Variants in SHH observed in about 807,000 individuals in gnomAD.
The protein encoded by SHH is sonic hedgehog signaling molecule, also known as sonic hedgehog protein.
Under a neutral mutation model 16.6 loss-of-function variants are expected in SHH, and 3 were observed. The observed-to-expected ratio is 0.18, with a 90% CI of 0.08 to 0.47. The LOEUF is 0.47. Among genes scored for constraint, SHH ranks in the 20% least tolerant of loss-of-function variants. The pLI is 0.98. For missense variants in SHH, 499 were observed against 665.0 expected (o/e 0.75, Z 2.75); for synonymous variants, 351 against 316.2 (o/e 1.11, Z -1.17).
rs1428998445 is a variant in SHH at position 155,803,627 on chromosome 7, C to T, written c.662G>A (p.Gly221Glu). 6.3e-7 allele frequency: 1 copy of T among 1,598,384 alleles called. No homozygotes were observed. Among genetic ancestry groups the T allele is most frequent in the Non-Finnish European group, 8.5e-7 (1 of 1,179,506 alleles). Residue 221 changes from glycine (G) to glutamate (E), a missense_variant, in exon 3 of 3, where the codon GGG (glycine) becomes GAG (glutamate). Gly to Glu is a moderately conservative substitution (Grantham distance 98). Transcript: ENST00000297261. ...GTKLVKDLSP[G>E]DRVLAADDQG... ...GTCGTCCGCCGCCAGCACGCGGTCC[C>T]CGGGGCTCAGGTCCTTCACCAGCTT... is the stretch of plus-strand genomic sequence containing the variant.
At chr7:155,804,539 C>T (rs887617999) in intron 2 of SHH, among the ~76,000 whole-genome samples, 1 of 152,012 alleles carries the variant, frequency 6.6e-6, no homozygotes, top group Non-Finnish European at 1.5e-5. Context: ...CTCCCCCTCC[C>T]TATTTGCTCA....
Position 155,809,185 on chromosome 7 carries a change from G to T in SHH, c.301-2628C>A, listed in dbSNP as rs1271277123. 2 of 152,198 alleles carry T rather than the reference G, an allele frequency of 1.3e-5. No homozygotes were observed. The highest frequency in any genetic ancestry group is 4.8e-5 in the African/African-American group (2 of 41,428). 9.4% of individuals were successfully genotyped at this position (152,198 alleles called of 1,614,324 possible). On this transcript the variant is annotated intron_variant, in intron 1 of 2. Transcript: ENST00000297261. The surrounding 1 kb of genome is among the most constrained non-coding windows in gnomAD (Gnocchi z 6.1). Reference sequence around the variant, plus strand: ...GTCTGTCTGCGCTTTCCTCTCCCGGGTTAATATTAACCGGCAGCTCCTGCG... The same window carrying T: ...GTCTGTCTGCGCTTTCCTCTCCCGGTTTAATATTAACCGGCAGCTCCTGCG...
chr7:155,803,369 C>T lies in SHH; in HGVS notation c.920G>A (p.Ser307Asn). The change falls in exon 3 of 3, where the codon AGC (serine) becomes AAC (asparagine). Residue 307 changes from serine to asparagine, a missense_variant. Ser to Asn is a conservative substitution (Grantham distance 46). Transcript: ENST00000297261. The stretch of plus-strand genomic sequence containing the variant: ...CACGCGCTGGCCCGGGCGCACGCGG[C>T]TGGCGAACAGCGCCCGAGGCCCCAG... ...GALGPRALFA[S>N]RVRPGQRVYV... 1 of 1,452,656 alleles carries T rather than the reference C, an allele frequency of 6.9e-7. No homozygotes were observed. The highest frequency in any genetic ancestry group is 9.0e-7 in the Non-Finnish European group (1 of 1,115,334). The allele number at this position is 1,452,656 out of a possible 1,614,324, so 90.0% of individuals were successfully genotyped here. A position where few individuals can be genotyped will look rare whatever the true frequency, so the allele number is the denominator to read the frequency against.
chr7:155,808,485 G>A (rs1440730768), intron 1 of SHH, among the ~76,000 whole-genome samples: 1 of 152,230 alleles, frequency 6.6e-6, no homozygotes, highest in East Asian at 1.9e-4. Flanking sequence ...AGGACCCCGG[G>A]CAGGGAGACC....
Position 155,806,345 on chromosome 7 carries a change from G to A in SHH, c.513C>T (p.Asp171=). ...GTGCCTTGGACTCGTAGTACACCCAGTCGAAGCCGGCCTCCACCGCCAGGC... is the reference window on the plus strand; with the variant it reads ...GTGCCTTGGACTCGTAGTACACCCAATCGAAGCCGGCCTCCACCGCCAGGC... ...LARLAVEAGF[D]WVYYESKAHI... is the part of the protein sequence containing the mutation. The change falls in exon 2 of 3, where the codon GAC becomes GAT. Residue 171 remains aspartate, a synonymous_variant. Coordinates refer to ENST00000297261, the MANE Select transcript of SHH (RefSeq NM_000193.4). 1 of 1,613,452 alleles carries A rather than the reference G, an allele frequency of 6.2e-7. No individual in the cohort carries two copies. The highest frequency in any genetic ancestry group is 8.5e-7 in the Non-Finnish European group (1 of 1,180,042).
rs775356820 is a variant in SHH, at chr7:155,806,288, C to A, written c.562+8G>T. On this transcript the variant is annotated splice_region_variant and intron_variant, in intron 2 of 2. Coordinates refer to ENST00000297261, the MANE Select transcript of SHH (RefSeq NM_000193.4). ...TGGGTCGGATCCGGGGGGCCAGGGC[C>A]AGCTTACCTGCTTTCACCGAGCAGT... is the stretch of plus-strand genomic sequence containing the variant. The A allele has an allele frequency of 1.9e-6, 3 of 1,613,106 alleles. No individual in the cohort carries two copies. In the Admixed American group the frequency reaches 5.0e-5, roughly 27 times the overall value.
rs777486607 is a variant in SHH, at chr7:155,811,917, T to A, written c.206A>T (p.Asn69Ile). The A allele has an allele frequency of 1.3e-5, 21 of 1,613,928 alleles. No individual in the cohort carries two copies. The South Asian group carries it at 2.2e-4, about 17-fold the overall frequency. The change falls in exon 1 of 3, where the codon AAC becomes ATC. Residue 69 changes from asparagine (N) to isoleucine (I), a missense_variant. Around this residue, in one of 4 missense-constraint regions of SHH, gnomAD observed 75 missense variants for 115.0 expected, o/e 0.65. Coordinates refer to ENST00000297261, the MANE Select transcript of SHH (RefSeq NM_000193.4). ...GGTGAGTTCCTTAAATCGCTCGGAGTTTCTGGAGATCTTCCCTTCATACCT... is the reference window on the plus strand; with the variant it reads ...GGTGAGTTCCTTAAATCGCTCGGAGATTCTGGAGATCTTCCCTTCATACCT... Reference protein sequence around the residue: ...SGRYEGKISRNSERFKELTPN... With the variant: ...SGRYEGKISRISERFKELTPN...
chr7:155,805,790 C>T (rs1361823697), intron 2 of SHH, among the ~76,000 whole-genome samples: 1 of 152,238 alleles, frequency 6.6e-6, no homozygotes, highest in Non-Finnish European at 1.5e-5. Context: ...TACTGCCGCC[C>T]ACCAGGCCTC....
chr7:155,810,287 C>T (rs756287283), intron 1 of SHH, among the ~76,000 whole-genome samples: 2 of 152,214 alleles, frequency 1.3e-5, no homozygotes, highest in African/African-American at 2.4e-5. Context: ...CAGAAGCTGA[C>T]CCACTCTGGC....
intron 1 of SHH, among the ~76,000 whole-genome samples, chr7:155,808,486 CAGGGAGACCCGGGT>C (rs1803423560): frequency 6.6e-6 from 1 of 152,200 alleles, no homozygotes; most frequent in East Asian, 1.9e-4. Context: ...GGACCCCGGG[CAGGGAGACCCGGGT>C]CCAGCCGGGC....
At chr7:155,805,313 C>T (rs1306084743) in intron 2 of SHH, among the ~76,000 whole-genome samples, 2 of 152,082 alleles carry the variant, frequency 1.3e-5, no homozygotes, top group Non-Finnish European at 2.9e-5. Flanking sequence ...GCCCCTGCCG[C>T]CCCCGCTCCA....
chr7:155,803,581 G>A lies in SHH; in HGVS notation c.708C>T (p.Ser236=). The change falls in exon 3 of 3, where the codon AGC becomes AGT. Residue 236 remains serine (S), a synonymous_variant. Transcript: ENST00000297261. The part of the protein sequence containing the change: ...AADDQGRLLY[S]DFLTFLDRDD... ...CGCGGTCCAGGAAAGTGAGGAAGTCGCTGTAGAGCAGCCGGCCCTGGTCGT... is the reference window on the plus strand; with the variant it reads ...CGCGGTCCAGGAAAGTGAGGAAGTCACTGTAGAGCAGCCGGCCCTGGTCGT... The A allele has an allele frequency of 6.3e-7, 1 of 1,598,378 alleles. No individual in the cohort carries two copies. The highest frequency in any genetic ancestry group is 8.5e-7 in the Non-Finnish European group (1 of 1,179,414).
At position 155,803,254 on chromosome 7, in the gene SHH, G is replaced by A; in HGVS notation, c.1035C>T (p.Tyr345=). 3.3e-6 allele frequency: 5 copies of A among 1,515,760 alleles called. No homozygotes were observed. Among genetic ancestry groups the A allele is most frequent in the Non-Finnish European group, 4.4e-6 (5 of 1,139,618 alleles). The allele number at this position is 1,515,760 out of a possible 1,614,324, so 93.9% of individuals were successfully genotyped here. Residue 345 remains tyrosine (Y), a synonymous_variant, in exon 3 of 3, where the codon TAC becomes TAT. Transcript: ENST00000297261. ...TGGTGCCCTGGGCCGTGAGCGGCGCGTAGGCGCCCGCGGCCTCCTCGCTTA... is the reference window on the plus strand; with the variant it reads ...TGGTGCCCTGGGCCGTGAGCGGCGCATAGGCGCCCGCGGCCTCCTCGCTTA... ...VTLSEEAAGA[Y]APLTAQGTIL... is the part of the protein sequence containing the mutation.
Position 155,803,713 on chromosome 7 carries a change from C to T in SHH, c.576G>A (p.Ala192=), listed in dbSNP as rs780893190. ...HCSVKAENSV[A]AKSGGCFPGS... ...CCGGGAAGCAGCCTCCCGATTTGGC[C>T]GCCACCGAGTTCTCTGCGGGTGAGG... is the stretch of plus-strand genomic sequence containing the variant. Residue 192 remains alanine, a synonymous_variant, in exon 3 of 3, where the codon GCG becomes GCA. Coordinates refer to ENST00000297261, the MANE Select transcript of SHH (RefSeq NM_000193.4). 7 of 1,597,186 alleles carry T rather than the reference C, an allele frequency of 4.4e-6. No homozygotes were observed. In the African/African-American group the frequency reaches 6.7e-5, roughly 15 times the overall value.
intron 1 of SHH, among the ~76,000 whole-genome samples, chr7:155,808,496 C>G (rs1221522039): frequency 4.6e-5 from 7 of 152,214 alleles, no homozygotes; most frequent in African/African-American, 1.7e-4. Flanking sequence ...CAGGGAGACC[C>G]GGGTCCAGCC....
chr7:155,802,894 C>A lies in SHH; in HGVS notation c.*6G>T. The A allele has an allele frequency of 7.3e-7, 1 of 1,375,076 alleles. No homozygotes were observed. The highest frequency in any genetic ancestry group is 9.5e-7 in the Non-Finnish European group (1 of 1,055,734). 85.2% of individuals were successfully genotyped at this position (1,375,076 alleles called of 1,614,324 possible). A position where few individuals can be genotyped will look rare whatever the true frequency, so the allele number is the denominator to read the frequency against. On this transcript the variant is annotated 3_prime_UTR_variant, in exon 3 of 3. Transcript: ENST00000297261. ...CCTCCCGCGCCCCTCCCCCGGCCCC[C>A]CGGCTTCAGCTGGACTTGACCGCCA...
chr7:155,809,374 C>G lies in SHH; in HGVS notation c.300+2449G>C, dbSNP rs1343289225. Among the ~76,000 whole-genome samples, 1 of 152,118 alleles carries G rather than the reference C, an allele frequency of 6.6e-6. No homozygotes were observed. The highest frequency in any genetic ancestry group is 1.9e-4 in the East Asian group (1 of 5,150). ...GTTATTTAAAATGAGGGCGGCCGAG[C>G]AGGCTCCCCAAACCTCCCGCCGGCC... On this transcript the variant is annotated intron_variant, in intron 1 of 2. Transcript: ENST00000297261. This position sits in a 1 kb window ranked among gnomAD's most constrained non-coding sequence, Gnocchi z 6.1.
chr7:155,803,549 C>A lies in SHH; in HGVS notation c.740G>T (p.Gly247Val). 6.3e-7 allele frequency: 1 copy of A among 1,596,382 alleles called. No individual in the cohort carries two copies. Among genetic ancestry groups the A allele is most frequent in the Non-Finnish European group, 8.5e-7 (1 of 1,178,010 alleles). ...DFLTFLDRDD[G>V]AKKVFYVIET... ...GATCACGTAGAAGACCTTCTTGGCG[C>A]CGTCGTCGCGGTCCAGGAAAGTGAG... is the stretch of plus-strand genomic sequence containing the variant. Residue 247 changes from glycine (G) to valine (V), a missense_variant, in exon 3 of 3, where the codon GGC becomes GTC. Gly to Val is a moderately radical substitution (Grantham distance 109). Around this residue, in one of 4 missense-constraint regions of SHH, gnomAD observed 114 missense variants for 200.4 expected, o/e 0.57. Coordinates refer to ENST00000297261, the MANE Select transcript of SHH (RefSeq NM_000193.4).
At chr7:155,810,428 C>G (rs1221643449) in intron 1 of SHH, among the ~76,000 whole-genome samples, 1 of 152,246 alleles carries the variant, frequency 6.6e-6, no homozygotes, top group Non-Finnish European at 1.5e-5. Context: ...GCGCCTCGGG[C>G]TAGCCGGAGA....
Sources: gnomAD v4.1 joint callset for allele counts (sites outside exome capture counted in the v4.1 genomes callset) on GRCh38, gnomAD v4.1.1 for gene constraint, gnomAD v4.1.1 regional missense constraint, Gnocchi (gnomAD v3.1) non-coding constraint, MANE v1.5 for transcripts, NCBI Gene and HGNC (gene_info 2026-07-23, HGNC 2026-07-21) for gene names.